Variants in ADCY8 observed in about 807,000 individuals in gnomAD.
ADCY8 encodes adenylate cyclase type 8.
A neutral mutation model predicts 119.7 loss-of-function variants in ADCY8; 51 were observed. The ratio of observed to expected loss-of-function variants is 0.43; its 90% CI spans 0.34 to 0.54. The LOEUF is 0.54. Ranked by LOEUF, ADCY8 falls within the 20% of genes least tolerant of loss-of-function variation. The pLI, the probability that ADCY8 is intolerant of heterozygous loss-of-function variation, is 0.03. For synonymous variants in ADCY8, 665 were observed against 651.0 expected, an observed-to-expected ratio of 1.02 and a Z score of -0.33; for missense variants, 1,383 against 1,598.8, an observed-to-expected ratio of 0.87 and a Z score of 2.30.
At chr8:130,794,144 T>C (rs901138463) in intron 15 of ADCY8, among the ~76,000 whole-genome samples, 4 of 152,076 alleles carry the variant, frequency 2.6e-5, no homozygotes, top group African/African-American at 9.7e-5. Context: ...AGGCAGGAGT[T>C]TTCCCTAGAG....
At chr8:130,786,075 A>G (rs552758222) in intron 15 of ADCY8, among the ~76,000 whole-genome samples, 10 of 152,306 alleles carry the variant, frequency 6.6e-5, no homozygotes, top group Non-Finnish European at 1.3e-4. Context: ...TTTAAAATTG[A>G]ACGCAGCATC....
chr8:130,982,292 A>AT (rs1822263817), intron 2 of ADCY8, among the ~76,000 whole-genome samples: 1 of 152,252 alleles, frequency 6.6e-6, no homozygotes, highest in Non-Finnish European at 1.5e-5. Context: ...TATAAAACAG[A>AT]ATGTGATAAA....
Position 130,943,352 on chromosome 8 carries a change from TG to T in ADCY8, c.1351del (p.His451MetfsTer39). 1 of 1,611,148 alleles carries T rather than the reference TG, an allele frequency of 6.2e-7. No individual in the cohort carries two copies. Among genetic ancestry groups the T allele is most frequent in the Non-Finnish European group, 8.5e-7 (1 of 1,177,530 alleles). On this transcript the variant is annotated frameshift_variant and splice_region_variant, in exon 4 of 18. Coordinates refer to ENST00000286355, the MANE Select transcript of ADCY8 (RefSeq NM_001115.3). LOFTEE classifies it high-confidence loss of function. ...ELFARFDRLA[H>X]EHHCLRIKIL... ...AGGAGGAAATTAAATTCAACTCACA[TG>T]GGCCAGTCGATCAAATCTGGCAAAG... is the stretch of plus-strand genomic sequence containing the variant.
intron 8 of ADCY8, among the ~76,000 whole-genome samples, chr8:130,881,868 A>G (rs1213976746): frequency 1.3e-5 from 2 of 148,606 alleles, no homozygotes; most frequent in Admixed American, 1.3e-4. Flanking sequence ...TTTTTTGTCC[A>G]CATTCAAAGT....
chr8:130,922,704 G>A (rs541230427), intron 5 of ADCY8, among the ~76,000 whole-genome samples: 14 of 152,204 alleles, frequency 9.2e-5, no homozygotes, highest in South Asian at 2.1e-4. Flanking sequence ...ATCATGGCCC[G>A]TTCTCAATGA....
At chr8:131,027,431 G>A (rs79388229) in intron 1 of ADCY8, among the ~76,000 whole-genome samples, 1,932 of 152,320 alleles carry the variant, frequency 0.013, 37 homozygotes, top group African/African-American at 0.044. Flanking sequence ...GTGAAGTGGT[G>A]AGAATGCTAG....
chr8:130,949,239 G>A lies in ADCY8; in HGVS notation c.1241+2629C>T, dbSNP rs145526814. Among the ~76,000 whole-genome samples the A allele has an allele frequency of 8.5e-3, 1,296 of 152,174 alleles. 12 individuals are homozygous for A. Among genetic ancestry groups the A allele is most frequent in the South Asian group, 0.032 (153 of 4,810 alleles). ...GAAGGATTCCTGCAGAAAGCGAGCC[G>A]CCGAACATGCTGTTTATTGCACTTA... On this transcript the variant is annotated intron_variant, in intron 3 of 17. Coordinates refer to ENST00000286355, the MANE Select transcript of ADCY8 (RefSeq NM_001115.3).
chr8:130,943,128 G>A (rs1225752838), intron 4 of ADCY8, among the ~76,000 whole-genome samples: 1 of 152,192 alleles, frequency 6.6e-6, no homozygotes, highest in Non-Finnish European at 1.5e-5. Flanking sequence ...CACTCAACCA[G>A]CCGTCTCTCA....
rs1057428105 is a variant in ADCY8 at position 130,991,683 on chromosome 8, T to C, written c.961-1141A>G. On this transcript the variant is annotated intron_variant, in intron 1 of 17. Transcript: ENST00000286355. ...CAATGCCCAGAACATAGCACAGAAT[T>C]ATGTGACATAAAAATAAACATTAAA... Among the ~76,000 whole-genome samples, 4 of 152,300 alleles carry C rather than the reference T, an allele frequency of 2.6e-5. No homozygotes were observed. In the East Asian group the frequency reaches 7.7e-4, roughly 29 times the overall value.
At chr8:130,895,397 T>G (rs1819352657) in intron 7 of ADCY8, among the ~76,000 whole-genome samples, 1 of 152,270 alleles carries the variant, frequency 6.6e-6, no homozygotes, top group African/African-American at 2.4e-5. Flanking sequence ...TGGTTATACA[T>G]AAGCCTCAGT....
intron 9 of ADCY8, among the ~76,000 whole-genome samples, chr8:130,851,965 A>G (rs1169134271): frequency 6.6e-6 from 1 of 152,156 alleles, no homozygotes; most frequent in East Asian, 1.9e-4. Flanking sequence ...GATTGAGATC[A>G]AGGAATGGAA....
intron 1 of ADCY8, among the ~76,000 whole-genome samples, chr8:131,028,106 C>T (rs574625658): frequency 1.3e-5 from 2 of 152,322 alleles, no homozygotes; most frequent in Admixed American, 1.3e-4. Context: ...TTGAACTATC[C>T]TTCTTTTAGA....
chr8:130,855,768 C>T (rs1563695223), intron 9 of ADCY8, among the ~76,000 whole-genome samples: 1 of 152,210 alleles, frequency 6.6e-6, no homozygotes, highest in East Asian at 1.9e-4. Flanking sequence ...ACTCTCTGCC[C>T]TAAATATCTT....
intron 9 of ADCY8, among the ~76,000 whole-genome samples, chr8:130,854,617 C>G (rs1483492104): frequency 2.0e-5 from 3 of 152,198 alleles, no homozygotes; most frequent in Non-Finnish European, 4.4e-5. Context: ...AATACTGTGA[C>G]TCCAAAAGGG....
At chr8:130,958,952 A>G (rs1031581143) in intron 2 of ADCY8, among the ~76,000 whole-genome samples, 3 of 152,130 alleles carry the variant, frequency 2.0e-5, no homozygotes, top group Admixed American at 1.3e-4. Context: ...GTTCAGTTCA[A>G]TAATCCCAGC....
chr8:130,881,837 A>G (rs1275595124), intron 8 of ADCY8, among the ~76,000 whole-genome samples: 1 of 146,584 alleles, frequency 6.8e-6, no homozygotes, highest in East Asian at 2.1e-4. Context: ...TTTAAATTAA[A>G]TTCTCTGATA....
chr8:130,895,714 C>T (rs1307178381), intron 7 of ADCY8, among the ~76,000 whole-genome samples: 1 of 152,082 alleles, frequency 6.6e-6, no homozygotes, highest in Non-Finnish European at 1.5e-5. Context: ...CCAAAGATTT[C>T]CATGTTCTTG....
intron 11 of ADCY8, among the ~76,000 whole-genome samples, chr8:130,843,312 G>A (rs1272378466): frequency 6.6e-6 from 1 of 152,146 alleles, no homozygotes; most frequent in Non-Finnish European, 1.5e-5. Flanking sequence ...CCTTCCAGAT[G>A]GTTCTTTTCC....
intron 9 of ADCY8, among the ~76,000 whole-genome samples, chr8:130,860,905 C>A (rs1032169048): frequency 3.3e-5 from 5 of 151,962 alleles, no homozygotes; most frequent in African/African-American, 9.7e-5. Flanking sequence ...GTTTTCTGTT[C>A]CCGTATTAGT....
Sources: gnomAD v4.1 joint callset for allele counts (sites outside exome capture counted in the v4.1 genomes callset) on GRCh38, gnomAD v4.1.1 for gene constraint, MANE v1.5 for transcripts, NCBI Gene and HGNC (gene_info 2026-07-23, HGNC 2026-07-21) for gene names.